FSTL5: variants seen among roughly 807,000 people sequenced by gnomAD.
FSTL5 encodes follistatin like 5, also known as follistatin-related protein 5.
FSTL5 carries 62 observed loss-of-function variants against 89.1 expected under a neutral mutation model. That is an observed-to-expected ratio of 0.70 (90% CI 0.57 to 0.86). The LOEUF (loss-of-function observed/expected upper bound fraction) is 0.86, where lower values mean the gene tolerates loss of function less well. FSTL5 is among the 40% of genes least tolerant of loss of function. The probability of loss-of-function intolerance (pLI) is 0.00; values close to 1 mark genes in which losing one functional copy is unlikely to be tolerated. For synonymous variants in FSTL5, 383 were observed against 346.2 expected (o/e 1.11, Z -1.18); for missense variants, 1,057 against 1,001.6 (o/e 1.06, Z -0.75).
rs540524441 is a variant in FSTL5 at position 161,705,929 on chromosome 4, T to C, written c.728-49435A>G. On this transcript the variant is annotated intron_variant, in intron 6 of 15. Transcript: ENST00000306100. ...CTTATCTCCAAAAGAAAAATACATA[T>C]GCATGTGTGTGTGTAGATGTGTGTA... 1.3e-3 allele frequency among the ~76,000 whole-genome samples: 159 copies of C among 118,610 alleles called. 2 individuals are homozygous for C. The highest frequency in any genetic ancestry group is 4.7e-3 in the African/African-American group (150 of 31,812). 77.8% of individuals were successfully genotyped at this position (118,610 alleles called of 152,430 possible).
intron 5 of FSTL5, among the ~76,000 whole-genome samples, 189 bp downstream of exon 5, chr4:161,775,688 TA>T: frequency 6.6e-6 from 1 of 152,058 alleles, no homozygotes; most frequent in South Asian, 2.1e-4. Flanking sequence ...TCAAACACCA[TA>T]TAAATGTTAC....
At chr4:162,037,290 T>C (rs1348041749) in intron 2 of FSTL5, among the ~76,000 whole-genome samples, 6 of 151,934 alleles carry the variant, frequency 3.9e-5, no homozygotes, top group Non-Finnish European at 8.8e-5. Context: ...AGGAGGTTTC[T>C]AGGTTTGATA....
At chr4:161,623,547 G>A (rs1164616935) in intron 7 of FSTL5, among the ~76,000 whole-genome samples, 1 of 151,660 alleles carries the variant, frequency 6.6e-6, no homozygotes, top group Non-Finnish European at 1.5e-5. Flanking sequence ...ATACAATGAA[G>A]TGATATATAT....
intron 4 of FSTL5, among the ~76,000 whole-genome samples, chr4:161,811,957 A>C (rs1334544281): frequency 6.6e-6 from 1 of 151,940 alleles, no homozygotes; most frequent in East Asian, 1.9e-4. Flanking sequence ...CTCAAAAAAT[A>C]TTTCTAACCA....
At chr4:162,097,609 C>T (rs948780828) in intron 2 of FSTL5, among the ~76,000 whole-genome samples, 1 of 151,812 alleles carries the variant, frequency 6.6e-6, no homozygotes, top group East Asian at 1.9e-4. Flanking sequence ...ATGTAAAGCA[C>T]TTCAACAACT....
intron 12 of FSTL5, among the ~76,000 whole-genome samples, chr4:161,498,190 T>C (rs1395871469): frequency 1.3e-5 from 2 of 152,050 alleles, no homozygotes; most frequent in African/African-American, 2.4e-5. Flanking sequence ...CAATTCTACA[T>C]TGTTTTTCTT....
chr4:161,954,672 G>A (rs1479439099), intron 3 of FSTL5, among the ~76,000 whole-genome samples: 1 of 151,478 alleles, frequency 6.6e-6, no homozygotes, highest in Non-Finnish European at 1.5e-5. Context: ...TTCCAGTAAG[G>A]CAAGTTTGTC....
At chr4:161,619,362 T>C (rs903042139) in intron 7 of FSTL5, among the ~76,000 whole-genome samples, 13 of 149,254 alleles carry the variant, frequency 8.7e-5, no homozygotes, top group Non-Finnish European at 1.5e-4. Context: ...AACTAAAGAG[T>C]TTCTGCACAG....
chr4:161,779,759 T>TTTTATATATATATATATATATATATA (rs1741554321), intron 4 of FSTL5, among the ~76,000 whole-genome samples: 1 of 31,170 alleles, frequency 3.2e-5, no homozygotes. Context: ...ATTTGTAAAG[T>TTTTATATATATATATATATATATATA]TATATATATA....
At chr4:161,871,495 G>A (rs2872577) in intron 4 of FSTL5, among the ~76,000 whole-genome samples, 83,825 of 151,780 alleles carry the variant, frequency 0.55, 23,471 homozygotes, top group East Asian at 0.66. Context: ...AAAGCAACCC[G>A]GCAAACCAAA....
At chr4:162,107,236 G>A (rs558079157) in intron 2 of FSTL5, among the ~76,000 whole-genome samples, 1 of 152,272 alleles carries the variant, frequency 6.6e-6, no homozygotes, top group African/African-American at 2.4e-5. Context: ...CTTTCCAGCT[G>A]TGACATTAAG....
Position 161,549,999 on chromosome 4 carries a change from C to G in FSTL5, c.1016-7306G>C, listed in dbSNP as rs1208864600. On this transcript the variant is annotated intron_variant, in intron 8 of 15. Transcript: ENST00000306100. ...ACTAGTTAAAGCCGTCACGTCAGGA[C>G]TACAGCCGACCACCCTACTGGCCTG... Among the ~76,000 whole-genome samples the G allele has an allele frequency of 1.3e-5, 2 of 151,864 alleles. 1 individual carries two copies. Among genetic ancestry groups the G allele is most frequent in the African/African-American group, 4.8e-5 (2 of 41,398 alleles).
At chr4:161,600,798 A>T (rs1269842095) in intron 7 of FSTL5, among the ~76,000 whole-genome samples, 4 of 152,162 alleles carry the variant, frequency 2.6e-5, no homozygotes, top group Non-Finnish European at 5.9e-5. Flanking sequence ...CACATTCCAG[A>T]CTTCTGGCCT....
chr4:162,075,714 T>A (rs1729810997), intron 2 of FSTL5, among the ~76,000 whole-genome samples: 1 of 151,894 alleles, frequency 6.6e-6, no homozygotes, highest in Non-Finnish European at 1.5e-5. Context: ...AATTTTTTCC[T>A]TTGAGATAAT....
intron 3 of FSTL5, among the ~76,000 whole-genome samples, chr4:161,987,123 C>A (rs186808793): frequency 6.6e-6 from 1 of 152,118 alleles, no homozygotes; most frequent in Non-Finnish European, 1.5e-5. Flanking sequence ...AACCCTTTCT[C>A]GACATCTAGT....
chr4:161,670,728 G>A (rs900734960), intron 6 of FSTL5, among the ~76,000 whole-genome samples: 1 of 152,134 alleles, frequency 6.6e-6, no homozygotes, highest in Non-Finnish European at 1.5e-5. Flanking sequence ...TGTAAAATAC[G>A]GGGAATTGAA....
chr4:161,648,574 G>T (rs1228437545), intron 7 of FSTL5, among the ~76,000 whole-genome samples: 2 of 152,088 alleles, frequency 1.3e-5, no homozygotes, highest in East Asian at 3.9e-4. Context: ...AATTCTCATC[G>T]TTCTAAAAAT....
At chr4:162,000,381 A>T (rs528046081) in intron 3 of FSTL5, among the ~76,000 whole-genome samples, 127 of 152,150 alleles carry the variant, frequency 8.3e-4, no homozygotes, top group Non-Finnish European at 1.0e-4. Flanking sequence ...TCCTGAGGTC[A>T]GGAGTTTGAG....
intron 4 of FSTL5, among the ~76,000 whole-genome samples, chr4:161,813,997 GA>G (rs1022506367): frequency 6.6e-6 from 1 of 151,650 alleles, no homozygotes; most frequent in Admixed American, 6.6e-5. Context: ...ATTCAAAGAT[GA>G]AAAAAATCAG....
Sources: gnomAD v4.1 joint callset for allele counts (sites outside exome capture counted in the v4.1 genomes callset) on GRCh38, gnomAD v4.1.1 for gene constraint, MANE v1.5 for transcripts, NCBI Gene and HGNC (gene_info 2026-07-23, HGNC 2026-07-21) for gene names.